DAB1: variants seen among roughly 807,000 people sequenced by gnomAD.
DAB1 encodes the protein disabled homolog 1.
In DAB1, 15 loss-of-function variants were observed where a neutral mutation model predicts 64.6. The observed-to-expected ratio is 0.23, with a 90% CI of 0.16 to 0.36. The LOEUF (loss-of-function observed/expected upper bound fraction) is 0.36. DAB1 is among the 10% of genes least tolerant of loss of function. The pLI, the probability that DAB1 is intolerant of heterozygous loss-of-function variation, is 1.00. For synonymous variants in DAB1, 235 were observed against 251.9 expected (o/e 0.93, Z 0.64); for missense variants, 596 against 706.7 (o/e 0.84, Z 1.78).
chr1:58,061,406 G>A (rs1648494979), intron 5 of DAB1, among the ~76,000 whole-genome samples: 1 of 152,160 alleles, frequency 6.6e-6, no homozygotes, highest in Non-Finnish European at 1.5e-5. Context: ...TCCGTTCCAG[G>A]CTTCTCCTCT....
At position 57,307,201 on chromosome 1, in the gene DAB1, T is replaced by C. The variant is rs1674257885; in HGVS notation, c.-136-16035A>G. Reference sequence around the variant, plus strand: ...TCTCTTTTGTGCTTTCATTTCATCTTCATGGTGCTGTCCTCATTTTACCAT... The same window carrying C: ...TCTCTTTTGTGCTTTCATTTCATCTCCATGGTGCTGTCCTCATTTTACCAT... On this transcript the variant is annotated intron_variant, in intron 1 of 14. Transcript: ENST00000371236. The C allele has an allele frequency of 2.6e-5, 4 of 152,260 alleles. No homozygotes were observed. The South Asian group carries it at 8.3e-4, about 31-fold the overall frequency. 9.4% of individuals were successfully genotyped at this position (152,260 alleles called of 1,614,324 possible).
chr1:57,507,917 A>G (rs1190858977), intron 7 of DAB1, among the ~76,000 whole-genome samples: 2 of 152,212 alleles, frequency 1.3e-5, no homozygotes, highest in Non-Finnish European at 2.9e-5. Flanking sequence ...CAATGATTCA[A>G]AAATACAGTG....
At chr1:58,444,230 A>G (rs1405587517) in intron 3 of DAB1, among the ~76,000 whole-genome samples, 2 of 152,236 alleles carry the variant, frequency 1.3e-5, no homozygotes, top group African/African-American at 4.8e-5. Context: ...ATACTATGCT[A>G]GAGAACAAGT....
At chr1:57,849,007 A>C (rs1373492194) in intron 1 of DAB1, among the ~76,000 whole-genome samples, 1 of 152,216 alleles carries the variant, frequency 6.6e-6, no homozygotes, top group Admixed American at 6.5e-5. Flanking sequence ...TTTCAAGGGA[A>C]TTTTTAAAAC....
chr1:58,110,474 G>A (rs1221741337), intron 5 of DAB1, among the ~76,000 whole-genome samples: 56 of 152,140 alleles, frequency 3.7e-4, no homozygotes, highest in Admixed American at 3.7e-3. Flanking sequence ...AGTCAACCAG[G>A]CTAGGTATCT....
chr1:57,671,301 TA>T (rs1336217513), intron 6 of DAB1, among the ~76,000 whole-genome samples: 1 of 152,092 alleles, frequency 6.6e-6, no homozygotes, highest in East Asian at 1.9e-4. Flanking sequence ...CTTTTTGGCA[TA>T]GGGGAAAATC....
intron 4 of DAB1, among the ~76,000 whole-genome samples, chr1:58,267,487 C>A (rs1196017960): frequency 6.6e-6 from 1 of 152,118 alleles, no homozygotes; most frequent in Non-Finnish European, 1.5e-5. Context: ...TGGAAGACAG[C>A]ATCTTTCAAA....
intron 6 of DAB1, among the ~76,000 whole-genome samples, chr1:57,661,617 A>C (rs989329323): frequency 6.6e-6 from 1 of 152,148 alleles, no homozygotes; most frequent in Non-Finnish European, 1.5e-5. Flanking sequence ...CCCCCATACC[A>C]AAATCCATGG....
In DAB1 at chr1:56,997,937, C is replaced by A. The variant is rs1203340872; in HGVS notation, c.*207G>T. 2.0e-5 allele frequency: 3 copies of A among 152,550 alleles called. No homozygotes were observed. In the East Asian group the frequency reaches 5.8e-4, roughly 29 times the overall value. 9.4% of individuals were successfully genotyped at this position (152,550 alleles called of 1,614,324 possible). A position where few individuals can be genotyped will look rare whatever the true frequency, so the allele number is the denominator to read the frequency against. On this transcript the variant is annotated 3_prime_UTR_variant, in exon 15 of 15. Transcript: ENST00000371236. ...TGCCATAGATATCTGCCATTGGTTG[C>A]CAAAAATGCTTAGTTCCCTCTTCTG...
At chr1:57,308,886 C>G (rs1227349105) in intron 1 of DAB1, among the ~76,000 whole-genome samples, 1 of 152,134 alleles carries the variant, frequency 6.6e-6, no homozygotes, top group Non-Finnish European at 1.5e-5. Context: ...CTTTAGGCTT[C>G]TAGTCTAGGG....
intron 5 of DAB1, among the ~76,000 whole-genome samples, chr1:58,028,779 A>G (rs536207496): frequency 6.6e-6 from 1 of 152,350 alleles, no homozygotes; most frequent in South Asian, 2.1e-4. Context: ...TCTGCAAATA[A>G]TAAGAATCAA....
intron 1 of DAB1, among the ~76,000 whole-genome samples, chr1:57,882,614 T>C (rs1383174596): frequency 2.0e-5 from 3 of 152,148 alleles, no homozygotes; most frequent in African/African-American, 7.2e-5. Flanking sequence ...TACAAAATTG[T>C]CTAATAACAT....
At chr1:58,278,092 C>T (rs777964272) in intron 4 of DAB1, among the ~76,000 whole-genome samples, 1 of 152,200 alleles carries the variant, frequency 6.6e-6, no homozygotes, top group Non-Finnish European at 1.5e-5. Context: ...ACCCAAATCT[C>T]ATCTTGAATT....
At chr1:58,231,333 T>C (rs1011575062) in intron 4 of DAB1, among the ~76,000 whole-genome samples, 1 of 152,152 alleles carries the variant, frequency 6.6e-6, no homozygotes, top group Non-Finnish European at 1.5e-5. Context: ...CATTCTATCA[T>C]AGGCAGAGCA....
At chr1:58,039,302 A>C (rs893474613) in intron 5 of DAB1, among the ~76,000 whole-genome samples, 1 of 152,114 alleles carries the variant, frequency 6.6e-6, no homozygotes, top group African/African-American at 2.4e-5. Flanking sequence ...GACAGCCTCT[A>C]TTCCCCAGAG....
chr1:57,226,672 A>AAATATATATAT (rs747021990), intron 2 of DAB1, among the ~76,000 whole-genome samples: 11 of 136,014 alleles, frequency 8.1e-5, no homozygotes, highest in African/African-American at 3.4e-4. Flanking sequence ...TTAAAAAAAA[A>AAATATATATAT]ATATATATAT....
intron 5 of DAB1, among the ~76,000 whole-genome samples, chr1:58,040,404 A>G (rs1647117091): frequency 6.6e-6 from 1 of 152,212 alleles, no homozygotes; most frequent in African/African-American, 2.4e-5. Context: ...AGGACTTCAC[A>G]GCCCAACCCT....
At chr1:57,794,038 C>A (rs1240453449) in intron 6 of DAB1, among the ~76,000 whole-genome samples, 1 of 152,184 alleles carries the variant, frequency 6.6e-6, no homozygotes, top group Non-Finnish European at 1.5e-5. Flanking sequence ...CCTCATTGAT[C>A]TTGCCCCATG....
chr1:57,858,320 G>T (rs1213939233), intron 1 of DAB1, among the ~76,000 whole-genome samples: 4 of 152,146 alleles, frequency 2.6e-5, no homozygotes, highest in Non-Finnish European at 4.4e-5. Flanking sequence ...GTAGGTTAAA[G>T]AATGTCCATT....
Sources: allele counts gnomAD v4.1 joint callset (sites outside exome capture counted in the v4.1 genomes callset), GRCh38; gene constraint gnomAD v4.1.1; transcripts MANE v1.5; gene names NCBI Gene and HGNC (gene_info 2026-07-23, HGNC 2026-07-21).